WDFY3: variants seen among roughly 807,000 people sequenced by gnomAD.
The protein encoded by WDFY3 is WD repeat and FYVE domain-containing protein 3.
In WDFY3, 66 loss-of-function variants were observed where a neutral mutation model predicts 409.6. The ratio of observed to expected loss-of-function variants is 0.16; its 90% confidence interval spans 0.13 to 0.20. The LOEUF (loss-of-function observed/expected upper bound fraction) is 0.20. Ranked by LOEUF, WDFY3 falls within the 10% of genes least tolerant of loss-of-function variation. WDFY3 has a pLI of 1.00. For missense variants in WDFY3, 3,031 were observed against 4,298.1 expected (o/e 0.71, Z 8.24); for synonymous variants, 1,521 against 1,537.1 (o/e 0.99, Z 0.25).
At chr4:84,745,163 G>C (rs1233333068) in intron 36 of WDFY3, among the ~76,000 whole-genome samples, 1 of 152,176 alleles carries the variant, frequency 6.6e-6, no homozygotes, top group East Asian at 1.9e-4. Flanking sequence ...CTGATCCAGT[G>C]AGTAGCAAGG....
At chr4:84,691,823 G>A in intron 59 of WDFY3, 38 bp from the exon 60 acceptor site, 3 of 1,541,870 alleles carry the variant, frequency 1.9e-6, no homozygotes, top group Non-Finnish European at 2.6e-6. Flanking sequence ...ACAGGAACAG[G>A]AAAAACTAAT....
chr4:84,882,512 T>G (rs1338710692), intron 3 of WDFY3, among the ~76,000 whole-genome samples: 1 of 152,124 alleles, frequency 6.6e-6, no homozygotes, highest in East Asian at 1.9e-4. Flanking sequence ...TTCAAATTAT[T>G]TTAAATTATA....
At chr4:84,935,281 G>A (rs1024034535) in intron 1 of WDFY3, among the ~76,000 whole-genome samples, 1 of 152,092 alleles carries the variant, frequency 6.6e-6, no homozygotes, top group Non-Finnish European at 1.5e-5. Flanking sequence ...TCATGATGAT[G>A]CCAATTTTTA....
chr4:84,895,753 A>C (rs1478401267), intron 3 of WDFY3, among the ~76,000 whole-genome samples: 1 of 152,206 alleles, frequency 6.6e-6, no homozygotes, highest in Non-Finnish European at 1.5e-5. Context: ...CAGTGGTATG[A>C]GAGATTACAA....
rs544615101 is a variant in WDFY3 at position 84,905,580 on chromosome 4, T to C, written c.-131-8570A>G. On this transcript the variant is annotated intron_variant, in intron 2 of 67. Transcript: ENST00000295888. Reference sequence around the variant, plus strand: ...CGATTATCTTTCACCTGAACTACTATAATGGTCTTATTATTTTCCTGCTTT... The same window carrying C: ...CGATTATCTTTCACCTGAACTACTACAATGGTCTTATTATTTTCCTGCTTT... Among the ~76,000 whole-genome samples the C allele has an allele frequency of 5.9e-5, 9 of 152,292 alleles. No individual in the cohort carries two copies. The South Asian group carries it at 1.9e-3, about 32-fold the overall frequency.
At chr4:84,717,271 C>A (rs1271496419) in intron 48 of WDFY3, among the ~76,000 whole-genome samples, 3 of 152,136 alleles carry the variant, frequency 2.0e-5, no homozygotes, top group African/African-American at 7.2e-5. Context: ...ATGGTTAGCA[C>A]AGTGCCTCAG....
intron 2 of WDFY3, among the ~76,000 whole-genome samples, chr4:84,897,257 G>A (rs1158930210): frequency 6.6e-6 from 1 of 152,168 alleles, no homozygotes; most frequent in Non-Finnish European, 1.5e-5. Context: ...ATTCTAATGT[G>A]CATCCGGGGT....
At chr4:84,937,018 A>C (rs765053857) in intron 1 of WDFY3, among the ~76,000 whole-genome samples, 2 of 152,164 alleles carry the variant, frequency 1.3e-5, no homozygotes, top group Non-Finnish European at 2.9e-5. Context: ...AACAAACAAC[A>C]AAACCTCTCG....
chr4:84,874,752 T>C (rs564475596), intron 3 of WDFY3, among the ~76,000 whole-genome samples: 112 of 152,230 alleles, frequency 7.4e-4, no homozygotes, highest in Non-Finnish European at 1.3e-3. Flanking sequence ...TGGCCTACCA[T>C]GAAACTTTAG....
At chr4:84,764,795 G>A (rs893577415) in intron 32 of WDFY3, among the ~76,000 whole-genome samples, 5 of 151,632 alleles carry the variant, frequency 3.3e-5, no homozygotes, top group Non-Finnish European at 7.4e-5. Flanking sequence ...AACCCGGAAG[G>A]TGGAGCTTGC....
intron 2 of WDFY3, among the ~76,000 whole-genome samples, chr4:84,919,901 A>C (rs1405494764): frequency 3.3e-5 from 5 of 152,232 alleles, no homozygotes; most frequent in Non-Finnish European, 7.3e-5. Context: ...GAAATGGTCA[A>C]AATTTCCATC....
intron 7 of WDFY3, among the ~76,000 whole-genome samples, chr4:84,834,632 C>A (rs1756305899): frequency 6.6e-6 from 1 of 152,132 alleles, no homozygotes; most frequent in African/African-American, 2.4e-5. Context: ...GCCTGGGAGA[C>A]AGACCAAAAT....
rs1736956361 is a variant in WDFY3, at chr4:84,733,553, C to T, written c.7050G>A (p.Glu2350=). 6.2e-7 allele frequency: 1 copy of T among 1,614,040 alleles called. No homozygotes were observed. The change falls in exon 44 of 68, where the codon GAG becomes GAA. Residue 2350 remains glutamate (E), a synonymous_variant. Coordinates refer to ENST00000295888, the MANE Select transcript of WDFY3 (RefSeq NM_014991.6). ...CCCACAGCCCCCGCTCCCTCAACAG[C>T]TCGCACTCGATCTGACACCACTCTT... The part of the protein sequence containing the change: ...VTEEWCQIEC[E]LLRERGLWGP...
intron 33 of WDFY3, among the ~76,000 whole-genome samples, chr4:84,756,696 T>TA (rs1741522638): frequency 6.6e-6 from 1 of 152,010 alleles, no homozygotes; most frequent in Admixed American, 6.6e-5. Flanking sequence ...CCAGAGTCTT[T>TA]ATGCATCTAT....
intron 1 of WDFY3, among the ~76,000 whole-genome samples, chr4:84,950,971 G>A (rs1486957405): frequency 6.6e-6 from 1 of 152,184 alleles, no homozygotes; most frequent in African/African-American, 2.4e-5. Context: ...AAAGTGTAAT[G>A]TAAGTGCTGA....
At chr4:84,959,985 G>A (rs1009482789) in intron 1 of WDFY3, among the ~76,000 whole-genome samples, 4 of 152,082 alleles carry the variant, frequency 2.6e-5, no homozygotes, top group Admixed American at 6.6e-5. Flanking sequence ...TAATATGATC[G>A]AATTATGTCA....
At chr4:84,766,519 A>G in intron 30 of WDFY3, 147 bp from the exon 31 acceptor site, 3 of 734,626 alleles carry the variant, frequency 4.1e-6, no homozygotes, top group Non-Finnish European at 4.1e-6. Context: ...GACAAGAAAA[A>G]GGGTCAGTTA....
chr4:84,807,415 T>A (rs956386682), intron 15 of WDFY3, among the ~76,000 whole-genome samples: 5 of 152,196 alleles, frequency 3.3e-5, no homozygotes, highest in Admixed American at 1.3e-4. Context: ...TATGCAAATA[T>A]GTTGAAATAC....
intron 19 of WDFY3, among the ~76,000 whole-genome samples, chr4:84,795,323 CTT>C (rs1426363867): frequency 2.0e-5 from 3 of 152,340 alleles, no homozygotes; most frequent in East Asian, 3.9e-4. Flanking sequence ...CTGTCACTCT[CTT>C]GTTACCACTG....
Sources: gnomAD v4.1 joint callset for allele counts (sites outside exome capture counted in the v4.1 genomes callset) on GRCh38, gnomAD v4.1.1 for gene constraint, MANE v1.5 for transcripts, NCBI Gene and HGNC (gene_info 2026-07-23, HGNC 2026-07-21) for gene names.